The following ECH1 variants were observed in gnomAD, a reference collection of about 807,000 sequenced individuals.
ECH1 encodes delta(3,5)-Delta(2,4)-dienoyl-CoA isomerase, mitochondrial.
In ECH1, 30 loss-of-function variants were observed where a neutral mutation model predicts 37.0. The ratio of observed to expected loss-of-function variants is 0.81; its 90% CI spans 0.61 to 1.10. The LOEUF (loss-of-function observed/expected upper bound fraction) is 1.10, where lower values mean the gene tolerates loss of function less well. Among genes scored for constraint, ECH1 ranks in the 50% least tolerant of loss-of-function variants. The pLI, the probability that ECH1 is intolerant of heterozygous loss-of-function variation, is 0.00. For missense variants in ECH1, 456 were observed against 441.6 expected, an observed-to-expected ratio of 1.03 and a Z score of -0.29; for synonymous variants, 178 against 176.0, an observed-to-expected ratio of 1.01 and a Z score of -0.09.
chr19:38,825,435 G>T (rs1426544637), intron 3 of ECH1, among the ~76,000 whole-genome samples: 1 of 152,174 alleles, frequency 6.6e-6, no homozygotes, highest in Non-Finnish European at 1.5e-5. Context: ...ATACTCCCCG[G>T]TCACCCGAAT....
rs1385575276 is a variant in ECH1, at chr19:38,831,482, A to C, written c.87T>G (p.Ile29Met). The stretch of plus-strand genomic sequence containing the variant: ...CAGAGGAGCCAGTGAGGCGAAGGCT[A>C]ATACTGAGTCCCGGGTAGTTGGAGC... ...LTGSNYPGLS[I>M]SLRLTGSSAQ... The change falls in exon 2 of 10, where the codon ATT becomes ATG. Residue 29 changes from isoleucine (I) to methionine (M), a missense_variant. Coordinates refer to ENST00000221418, the MANE Select transcript of ECH1 (RefSeq NM_001398.3). The C allele has an allele frequency of 6.8e-6, 11 of 1,613,994 alleles. No individual in the cohort carries two copies. Among genetic ancestry groups the C allele is most frequent in the Non-Finnish European group, 9.3e-6 (11 of 1,180,026 alleles).
rs576826577 is a variant in ECH1, at chr19:38,825,279, G to A, written c.349+5799C>T. On this transcript the variant is annotated intron_variant, in intron 3 of 9. Transcript: ENST00000221418. ...GACTTAGATCATGGGGACTGGAGTCGTAAACATCTGTTGACCTGTGTTCTA... is the reference window on the plus strand; with the variant it reads ...GACTTAGATCATGGGGACTGGAGTCATAAACATCTGTTGACCTGTGTTCTA... Among the ~76,000 whole-genome samples, 312 of 152,244 alleles carry A rather than the reference G, an allele frequency of 2.0e-3. 1 individual carries two copies. The highest frequency in any genetic ancestry group is 6.9e-3 in the African/African-American group (286 of 41,534).
chr19:38,822,057 T>C (rs1433206913), intron 3 of ECH1, among the ~76,000 whole-genome samples: 1 of 152,130 alleles, frequency 6.6e-6, no homozygotes, highest in Non-Finnish European at 1.5e-5. Context: ...TAAGGGATTG[T>C]AAATACACCA....
At chr19:38,827,098 G>A (rs1971750438) in intron 3 of ECH1, among the ~76,000 whole-genome samples, 1 of 138,674 alleles carries the variant, frequency 7.2e-6, no homozygotes, top group Non-Finnish European at 1.6e-5. Flanking sequence ...GGGAGGGGAA[G>A]GAGGAAGGGA....
rs765210371 is a variant in ECH1, at chr19:38,831,121, ACAGT to A, written c.302_305del (p.Asp101ValfsTer5). 3.7e-6 allele frequency: 6 copies of A among 1,613,904 alleles called. No homozygotes were observed. Among genetic ancestry groups the A allele is most frequent in the Admixed American group, 1.7e-5 (1 of 59,996 alleles). ...CTGCACCAGAGATCACCACCGCCCG[ACAGT>A]CAGCGTCTCTCGAAATCTTGTTGAA... is the stretch of plus-strand genomic sequence containing the variant. On this transcript the variant is annotated frameshift_variant, in exon 3 of 10. Coordinates refer to ENST00000221418, the MANE Select transcript of ECH1 (RefSeq NM_001398.3). LOFTEE classifies it high-confidence loss of function.
intron 3 of ECH1, chr19:38,823,289 C>A: frequency 5.9e-6 from 1 of 168,876 alleles, no homozygotes; most frequent in Non-Finnish European, 1.2e-5. Context: ...ACCAAGAACC[C>A]ACCAATTCCG....
rs532164184 is a variant in ECH1 at position 38,825,919 on chromosome 19, G to A, written c.349+5159C>T. ...CAGAGGGTGCCCGGGGCAAGCGCCA[G>A]CTCATGTCATCACCCTCACTGAGCC... On this transcript the variant is annotated intron_variant, in intron 3 of 9. Transcript: ENST00000221418. Among the ~76,000 whole-genome samples, 4 of 152,316 alleles carry A rather than the reference G, an allele frequency of 2.6e-5. No homozygotes were observed. In the East Asian group the frequency reaches 7.7e-4, roughly 29 times the overall value.
chr19:38,816,193 C>A (rs1600009335), intron 8 of ECH1, 91 bp downstream of exon 8: 2 of 1,536,256 alleles, frequency 1.3e-6, no homozygotes, highest in East Asian at 4.6e-5. Context: ...ACTAGGAATT[C>A]TAGAGCGAGG....
chr19:38,831,190 T>C, intron 2 of ECH1, 24 bp from the exon 3 acceptor site: 1 of 1,613,638 alleles, frequency 6.2e-7, no homozygotes, highest in Non-Finnish European at 8.5e-7. Context: ...AGTGAAGGGT[T>C]ACAAATGGGG....
In ECH1 at chr19:38,817,442, T is replaced by C; in HGVS notation, c.474+9A>G. The C allele has an allele frequency of 6.2e-7, 1 of 1,613,186 alleles. No individual in the cohort carries two copies. The highest frequency in any genetic ancestry group is 8.5e-7 in the Non-Finnish European group (1 of 1,179,666). On this transcript the variant is annotated intron_variant, in intron 4 of 9. Transcript: ENST00000221418. The stretch of plus-strand genomic sequence containing the variant: ...TGGAGAAAGATCCCCTCCAGACCCC[T>C]AGAGTCACCCTCTCGATGACGTTGA...
chr19:38,824,865 GACC>G (rs1971716182), intron 3 of ECH1, among the ~76,000 whole-genome samples: 1 of 152,028 alleles, frequency 6.6e-6, no homozygotes, highest in Admixed American at 6.6e-5. Context: ...ATCTCCAAAG[GACC>G]ACAAAACCCT....
At position 38,815,875 on chromosome 19, in the gene ECH1, G is replaced by T. The variant is rs374648175; in HGVS notation, c.864C>A (p.Ala288=). The change falls in exon 9 of 10, where the codon GCC becomes GCA. Residue 288 remains alanine (A), a synonymous_variant. Coordinates refer to ENST00000221418, the MANE Select transcript of ECH1 (RefSeq NM_001398.3). The stretch of plus-strand genomic sequence containing the variant: ...ACCTTACCACGTAGTTGAGGCTCTC[G>T]GCCACCGAATGGTCGCGGGAATACA... ...NLLYSRDHSV[A]ESLNYVASWN... is the part of the protein sequence containing the mutation. 6.2e-7 allele frequency: 1 copy of T among 1,614,172 alleles called. No homozygotes were observed. The highest frequency in any genetic ancestry group is 1.1e-5 in the South Asian group (1 of 91,086).
chr19:38,830,418 A>G (rs1325266017), intron 3 of ECH1, among the ~76,000 whole-genome samples: 1 of 152,210 alleles, frequency 6.6e-6, no homozygotes, highest in Non-Finnish European at 1.5e-5. Flanking sequence ...CCTAGACTTC[A>G]GAGCCTATGA....
In ECH1 at chr19:38,824,259, T is replaced by A. The variant is rs151069364; in HGVS notation, c.350-6684A>T. On this transcript the variant is annotated intron_variant, in intron 3 of 9. Coordinates refer to ENST00000221418, the MANE Select transcript of ECH1 (RefSeq NM_001398.3). ...TAACAGGTTTTCAAGAATGCGTCGG[T>A]AAGGGCCACTAAATCCGACCTTCCT... 8.4e-3 allele frequency among the ~76,000 whole-genome samples: 1,279 copies of A among 152,254 alleles called. 38 individuals are homozygous for A. The East Asian group carries it at 0.095, about 11-fold the overall frequency.
At chr19:38,817,385 T>C in intron 4 of ECH1, 21 bp from the exon 5 acceptor site, 1 of 1,602,718 alleles carries the variant, frequency 6.2e-7, no homozygotes, top group East Asian at 2.2e-5. Context: ...ACAGGAAGAG[T>C]GGGGTCAGGG....
At chr19:38,820,053 C>T (rs372138846) in intron 3 of ECH1, 2,305 of 139,124 alleles carry the variant, frequency 0.017, 1 homozygote, top group Middle Eastern at 0.026. Flanking sequence ...GTCCCCCTTA[C>T]TTTTTTTTTT....
intron 3 of ECH1, among the ~76,000 whole-genome samples, chr19:38,826,092 T>C (rs1373231810): frequency 6.6e-6 from 1 of 152,228 alleles, no homozygotes; most frequent in Non-Finnish European, 1.5e-5. Flanking sequence ...TAACCAGGTA[T>C]TTCTCCCACC....
intron 3 of ECH1, among the ~76,000 whole-genome samples, chr19:38,822,705 A>G (rs984444507): frequency 3.9e-5 from 6 of 152,222 alleles, no homozygotes; most frequent in African/African-American, 1.4e-4. Context: ...TAAACGCACC[A>G]GTCAGCACCC....
intron 3 of ECH1, among the ~76,000 whole-genome samples, chr19:38,821,461 G>A (rs921250215): frequency 1.1e-4 from 16 of 152,222 alleles, no homozygotes; most frequent in Admixed American, 5.9e-4. Context: ...GGCCAAGATC[G>A]GAGCCGGCTC....
Sources: gnomAD v4.1 joint callset for allele counts (sites outside exome capture counted in the v4.1 genomes callset) on GRCh38, gnomAD v4.1.1 for gene constraint, MANE v1.5 for transcripts, NCBI Gene and HGNC (gene_info 2026-07-23, HGNC 2026-07-21) for gene names.